The following MSH5 variants were observed in gnomAD, a reference collection of about 807,000 sequenced individuals.
MSH5 encodes the protein mutS homolog 5, also known as mutS protein homolog 5.
A neutral mutation model predicts 107.7 loss-of-function variants in MSH5; 78 were observed. The ratio of observed to expected loss-of-function variants is 0.72; its 90% CI spans 0.60 to 0.87. MSH5 has a LOEUF of 0.87. MSH5 is among the 40% of genes least tolerant of loss of function. The probability of loss-of-function intolerance (pLI) is 0.00; values close to 1 mark genes in which losing one functional copy is unlikely to be tolerated. For missense variants in MSH5, 889 were observed against 1,046.6 expected (o/e 0.85, Z 2.08); for synonymous variants, 326 against 399.5 (o/e 0.82, Z 2.19).
Position 31,759,567 on chromosome 6 carries a change from C to T in MSH5, c.1495+55C>T. The T allele has an allele frequency of 1.9e-6, 3 of 1,591,566 alleles. No homozygotes were observed. The highest frequency in any genetic ancestry group is 2.6e-6 in the Non-Finnish European group (3 of 1,164,276). The stretch of plus-strand genomic sequence containing the variant: ...GTAAGATGTTTAAAAAAAGCAGCAG[C>T]CAGGGGAAGGAGGGGAGTGGGCAAC... On this transcript the variant is annotated intron_variant, in intron 17 of 24. Transcript: ENST00000375750. This position sits in a 1 kb window ranked among gnomAD's most constrained non-coding sequence, Gnocchi z 4.7.
chr6:31,760,031 C>T lies in MSH5; in HGVS notation c.1685+56C>T. The T allele has an allele frequency of 6.2e-7, 1 of 1,610,352 alleles. No homozygotes were observed. Among genetic ancestry groups the T allele is most frequent in the Non-Finnish European group, 8.5e-7 (1 of 1,177,428 alleles). On this transcript the variant is annotated intron_variant, in intron 18 of 24. Transcript: ENST00000375750. The surrounding 1 kb of genome is among the most constrained non-coding windows in gnomAD (Gnocchi z 5.6). ...ATGAGGGGCCCAAAGGCTACATCTTCTGGGGGTTCATCTATCTTGATCCAC... is the reference window on the plus strand; with the variant it reads ...ATGAGGGGCCCAAAGGCTACATCTTTTGGGGGTTCATCTATCTTGATCCAC...
At chr6:31,754,461 A>G (rs754609122) in intron 12 of MSH5, among the ~76,000 whole-genome samples, 1 of 151,948 alleles carries the variant, frequency 6.6e-6, no homozygotes, top group South Asian at 2.1e-4. Flanking sequence ...AGTATGTGTC[A>G]TCTATATCTT....
Position 31,747,380 on chromosome 6 carries a change from C to G in MSH5, c.767-7C>G. On this transcript the variant is annotated splice_region_variant and splice_polypyrimidine_tract_variant and intron_variant, in intron 9 of 24. Transcript: ENST00000375750. Reference sequence around the variant, plus strand: ...AACAAGTTCACTCCCTGCCTTATCCCTCACAGGAATCCTCAACAGATGCCA... The same window carrying G: ...AACAAGTTCACTCCCTGCCTTATCCGTCACAGGAATCCTCAACAGATGCCA... 1 of 1,613,056 alleles carries G rather than the reference C, an allele frequency of 6.2e-7. No individual in the cohort carries two copies.
chr6:31,757,026 T>G (rs2151372858), intron 12 of MSH5: 1 of 152,292 alleles, frequency 6.6e-6, no homozygotes, highest in African/African-American at 2.4e-5. Flanking sequence ...CTTCGAAATT[T>G]CAGTATATGT....
At chr6:31,762,062 C>T (rs1811062794) in intron 23 of MSH5, 50 bp from the exon 24 acceptor site, 2 of 1,612,944 alleles carry the variant, frequency 1.2e-6, no homozygotes, top group Non-Finnish European at 1.7e-6. Context: ...CTTATTTCCC[C>T]TTCTCTTCCC....
Position 31,758,001 on chromosome 6 carries a change from A to T in MSH5, c.1015-164A>T, listed in dbSNP as rs1810599952. 2 of 771,054 alleles carry T rather than the reference A, an allele frequency of 2.6e-6. No individual in the cohort carries two copies. Among genetic ancestry groups the T allele is most frequent in the Middle Eastern group, 2.5e-4 (1 of 4,038 alleles). 47.8% of individuals were successfully genotyped at this position (771,054 alleles called of 1,614,324 possible). ...ATATCTTAATTGTCTTTGTAGTTTCAGTGTTTGGTACAGTGCCTCTCACTG... is the reference window on the plus strand; with the variant it reads ...ATATCTTAATTGTCTTTGTAGTTTCTGTGTTTGGTACAGTGCCTCTCACTG... On this transcript the variant is annotated intron_variant, in intron 12 of 24. Transcript: ENST00000375750. The surrounding 1 kb of genome is among the most constrained non-coding windows in gnomAD (Gnocchi z 5.1).
At position 31,743,184 on chromosome 6, in the gene MSH5, T is replaced by C; in HGVS notation, c.415+14T>C. The C allele has an allele frequency of 1.2e-6, 2 of 1,612,526 alleles. No homozygotes were observed. The highest frequency in any genetic ancestry group is 1.7e-4 in the Middle Eastern group (1 of 6,058). On this transcript the variant is annotated intron_variant, in intron 5 of 24. Coordinates refer to ENST00000375750, the MANE Select transcript of MSH5 (RefSeq NM_172166.4). Reference sequence around the variant, plus strand: ...GTGTGGATTTTGGTATCTCCTTCCTTTTGCTTTGCCTAACTCCCTGTTCCG... The same window carrying C: ...GTGTGGATTTTGGTATCTCCTTCCTCTTGCTTTGCCTAACTCCCTGTTCCG...
intron 24 of MSH5, 91 bp from the exon 25 acceptor site, chr6:31,762,329 C>G: frequency 7.4e-7 from 1 of 1,347,488 alleles, no homozygotes; most frequent in Non-Finnish European, 1.1e-6. Context: ...TCTTCAAGAT[C>G]CCAGGTTTTC....
Position 31,759,415 on chromosome 6 carries a change from C to T in MSH5, c.1408-10C>T. On this transcript the variant is annotated splice_polypyrimidine_tract_variant and intron_variant, in intron 16 of 24. Coordinates refer to ENST00000375750, the MANE Select transcript of MSH5 (RefSeq NM_172166.4). This position sits in a 1 kb window ranked among gnomAD's most constrained non-coding sequence, Gnocchi z 4.7. ...ATGCAAAGTCCACAGCTTTGAACCC[C>T]TGTACCCAGTTTCTCTCAGAGGAGA... 2 of 1,612,574 alleles carry T rather than the reference C, an allele frequency of 1.2e-6. No individual in the cohort carries two copies. Among genetic ancestry groups the T allele is most frequent in the Non-Finnish European group, 1.7e-6 (2 of 1,179,944 alleles).
chr6:31,741,939 CTT>C (rs1808953932), intron 3 of MSH5, among the ~76,000 whole-genome samples: 1 of 151,936 alleles, frequency 6.6e-6, no homozygotes, highest in Non-Finnish European at 1.5e-5. Context: ...ATGCCAGGCT[CTT>C]TTTGACAACC....
chr6:31,743,860 A>G, intron 5 of MSH5, 44 bp from the exon 6 acceptor site: 2 of 1,596,492 alleles, frequency 1.3e-6, no homozygotes, highest in African/African-American at 1.3e-5. Flanking sequence ...GGGTGAAAAA[A>G]TTGAGCTACA....
chr6:31,758,722 C>A lies in MSH5; in HGVS notation c.1217-44C>A, dbSNP rs373930424. On this transcript the variant is annotated intron_variant, in intron 14 of 24. Coordinates refer to ENST00000375750, the MANE Select transcript of MSH5 (RefSeq NM_172166.4). The surrounding 1 kb of genome is among the most constrained non-coding windows in gnomAD (Gnocchi z 5.1). ...CTGGGGATCTTCATAGCAACCAGGG[C>A]AGGAGACTCACTTTTGATAACCACG... 5.6e-6 allele frequency: 9 copies of A among 1,608,124 alleles called. No individual in the cohort carries two copies.
At position 31,759,669 on chromosome 6, in the gene MSH5, T is replaced by C; in HGVS notation, c.1496-117T>C. ...CTCTGACTCTATCTTTTCCTCTGAA[T>C]GTCTTGAGGTCTCAGATTGTATCTG... On this transcript the variant is annotated intron_variant, in intron 17 of 24. Coordinates refer to ENST00000375750, the MANE Select transcript of MSH5 (RefSeq NM_172166.4). The surrounding 1 kb of genome is among the most constrained non-coding windows in gnomAD (Gnocchi z 4.7). 4 of 1,358,280 alleles carry C rather than the reference T, an allele frequency of 2.9e-6. No homozygotes were observed. Among genetic ancestry groups the C allele is most frequent in the Non-Finnish European group, 4.1e-6 (4 of 975,956 alleles). 84.1% of individuals were successfully genotyped at this position (1,358,280 alleles called of 1,614,324 possible).
At chr6:31,741,748 ACT>A (rs1348550471) in intron 3 of MSH5, among the ~76,000 whole-genome samples, 1 of 146,348 alleles carries the variant, frequency 6.8e-6, no homozygotes, top group Admixed American at 6.9e-5. Context: ...GAAATACCTG[ACT>A]CTGAGTAATT....
rs759024958 is a variant in MSH5, at chr6:31,747,441, G to A, written c.812+9G>A. 5.0e-6 allele frequency: 8 copies of A among 1,612,652 alleles called. No individual in the cohort carries two copies. The highest frequency in any genetic ancestry group is 6.8e-6 in the Non-Finnish European group (8 of 1,179,736). ...GGAGAGAAGCTGCTCAGGTGAGTGGGTCCCACACATACTACACACTAATGC... is the reference window on the plus strand; with the variant it reads ...GGAGAGAAGCTGCTCAGGTGAGTGGATCCCACACATACTACACACTAATGC... On this transcript the variant is annotated intron_variant, in intron 10 of 24. Coordinates refer to ENST00000375750, the MANE Select transcript of MSH5 (RefSeq NM_172166.4).
At chr6:31,748,916 CTTT>C (rs9279407) in intron 10 of MSH5, among the ~76,000 whole-genome samples, 34 of 109,466 alleles carry the variant, frequency 3.1e-4, no homozygotes, top group Admixed American at 3.8e-4. Context: ...TCTGGAAAGT[CTTT>C]TTTTTTTTTT....
chr6:31,741,040 C>T, intron 2 of MSH5, 123 bp from the exon 3 acceptor site: 2 of 1,272,056 alleles, frequency 1.6e-6, no homozygotes, highest in East Asian at 2.4e-5. Flanking sequence ...TTCACATTCA[C>T]TAAATGGGGG....
rs753464395 is a variant in MSH5, at chr6:31,759,972, G to T, written c.1682G>T (p.Gly561Val). ...PQVLGVRIQN[G>V]RHPLMELCAR... ...GTCCTTGGGGTACGAATCCAGAATG[G>T]CAGGTAAGAATAGAGGCGGGTGGAG... is the stretch of plus-strand genomic sequence containing the variant. The change falls in exon 18 of 25, where the codon GGC becomes GTC. Residue 561 changes from glycine (G) to valine (V), a missense_variant. Physicochemically the swap from Gly to Val is moderately radical, Grantham distance 109. Around this residue, in one of 3 missense-constraint regions of MSH5, gnomAD observed 362 missense variants for 456.2 expected, o/e 0.79. Coordinates refer to ENST00000375750, the MANE Select transcript of MSH5 (RefSeq NM_172166.4). The surrounding 1 kb of genome is among the most constrained non-coding windows in gnomAD (Gnocchi z 4.7). 4.3e-6 allele frequency: 7 copies of T among 1,614,188 alleles called. No individual in the cohort carries two copies. Among genetic ancestry groups the T allele is most frequent in the Non-Finnish European group, 5.9e-6 (7 of 1,180,022 alleles).
Position 31,761,054 on chromosome 6 carries a change from C to A in MSH5, c.1963-134C>A. On this transcript the variant is annotated intron_variant, in intron 20 of 24. Transcript: ENST00000375750. The surrounding 1 kb of genome is among the most constrained non-coding windows in gnomAD (Gnocchi z 5.3). ...CTGTTGGCAAAGAGGATGAACAAAG[C>A]GTGCACCTCACCATTCAAGAACTTG... is the stretch of plus-strand genomic sequence containing the variant. The A allele has an allele frequency of 2.0e-6, 2 of 1,009,152 alleles. No homozygotes were observed. The highest frequency in any genetic ancestry group is 2.9e-6 in the Non-Finnish European group (2 of 679,700). 62.5% of individuals were successfully genotyped at this position (1,009,152 alleles called of 1,614,324 possible).
Sources: allele counts gnomAD v4.1 joint callset (sites outside exome capture counted in the v4.1 genomes callset), GRCh38; gene constraint gnomAD v4.1.1; regional missense constraint gnomAD v4.1.1; non-coding constraint Gnocchi (gnomAD v3.1); transcripts MANE v1.5; gene names NCBI Gene and HGNC (gene_info 2026-07-23, HGNC 2026-07-21).